MAML2: variants seen among roughly 807,000 people sequenced by gnomAD.
The protein encoded by MAML2 is mastermind like transcriptional coactivator 2, also known as mastermind-like protein 2.
In MAML2, 22 loss-of-function variants were observed where a neutral mutation model predicts 96.1. That is an observed-to-expected ratio of 0.23 (90% confidence interval 0.16 to 0.33). The LOEUF (loss-of-function observed/expected upper bound fraction) is 0.33, where lower values mean the gene tolerates loss of function less well. Among genes scored for constraint, MAML2 ranks in the 10% least tolerant of loss-of-function variants. MAML2 has a pLI of 1.00. For missense variants in MAML2, 1,367 were observed against 1,392.4 expected (o/e 0.98, Z 0.29); for synonymous variants, 561 against 521.3 (o/e 1.08, Z -1.04).
chr11:96,317,956 A>G (rs1183186113), intron 1 of MAML2, among the ~76,000 whole-genome samples: 3 of 152,250 alleles, frequency 2.0e-5, no homozygotes, highest in African/African-American at 7.2e-5. Context: ...CTTTAACACA[A>G]GCTGTGAATC....
chr11:96,114,400 T>G (rs1280623678), intron 1 of MAML2, among the ~76,000 whole-genome samples: 1 of 152,218 alleles, frequency 6.6e-6, no homozygotes, highest in African/African-American at 2.4e-5. Context: ...TCCTTAGCTC[T>G]TGTTCCTTCT....
chr11:96,016,360 C>T (rs1176379089), intron 2 of MAML2, among the ~76,000 whole-genome samples: 5 of 152,102 alleles, frequency 3.3e-5, no homozygotes, highest in Admixed American at 3.3e-4. Flanking sequence ...AGCTGGAGAT[C>T]AAAGAGTCAT....
In MAML2 at chr11:96,266,520, G is replaced by A. The variant is rs1044752162; in HGVS notation, c.513+74863C>T. On this transcript the variant is annotated intron_variant, in intron 1 of 4. Transcript: ENST00000524717. ...CAGGAGGCGGAGCTTGCAGTGAGCC[G>A]AGATGGCACCACTGCACTCCACCCT... 8.6e-5 allele frequency among the ~76,000 whole-genome samples: 13 copies of A among 151,574 alleles called. No individual in the cohort carries two copies. The East Asian group carries it at 1.9e-3, about 22-fold the overall frequency.
intron 1 of MAML2, among the ~76,000 whole-genome samples, chr11:96,312,216 T>A (rs1180277251): frequency 3.6e-5 from 1 of 27,616 alleles, no homozygotes; most frequent in Non-Finnish European, 6.5e-5. Flanking sequence ...CAAGACTCTA[T>A]CTCAAAAAAA....
chr11:96,158,238 G>C (rs973141077), intron 1 of MAML2, among the ~76,000 whole-genome samples: 6 of 152,198 alleles, frequency 3.9e-5, no homozygotes, highest in African/African-American at 7.2e-5. Context: ...AGATGAAAGA[G>C]TCCTAATTCT....
At chr11:96,122,327 A>C (rs1322346840) in intron 1 of MAML2, among the ~76,000 whole-genome samples, 1 of 151,066 alleles carries the variant, frequency 6.6e-6, no homozygotes, top group Non-Finnish European at 1.5e-5. Flanking sequence ...CTCTAGGGTG[A>C]TTCTCCAAAC....
intron 1 of MAML2, among the ~76,000 whole-genome samples, chr11:96,310,414 A>T (rs375623859): frequency 1.3e-5 from 2 of 152,220 alleles, no homozygotes; most frequent in Non-Finnish European, 2.9e-5. Context: ...TTTCACCCCA[A>T]TGTGACCTGA....
intron 1 of MAML2, among the ~76,000 whole-genome samples, chr11:96,314,904 C>A (rs528220086): frequency 6.6e-6 from 1 of 152,152 alleles, no homozygotes; most frequent in Non-Finnish European, 1.5e-5. Flanking sequence ...GCATTCTGAA[C>A]GGGAAGCTGG....
chr11:96,196,041 T>C (rs1041246120), intron 1 of MAML2, among the ~76,000 whole-genome samples: 8 of 152,224 alleles, frequency 5.3e-5, no homozygotes, highest in Non-Finnish European at 1.2e-4. Flanking sequence ...AATGTATCAT[T>C]TCCTTGCATA....
At position 96,224,410 on chromosome 11, in the gene MAML2, A is replaced by G. The variant is rs936290554; in HGVS notation, c.513+116973T>C. Among the ~76,000 whole-genome samples the G allele has an allele frequency of 2.6e-5, 4 of 152,032 alleles. No homozygotes were observed. The East Asian group carries it at 7.7e-4, about 29-fold the overall frequency. On this transcript the variant is annotated intron_variant, in intron 1 of 4. Coordinates refer to ENST00000524717, the MANE Select transcript of MAML2 (RefSeq NM_032427.4). ...CCAACAGTGCCCCAACCCCATGACT[A>G]CTGTCCCTGGAGATCTATACTTTCC...
At chr11:96,277,202 A>G (rs1419702900) in intron 1 of MAML2, among the ~76,000 whole-genome samples, 2 of 152,242 alleles carry the variant, frequency 1.3e-5, no homozygotes, top group Non-Finnish European at 2.9e-5. Context: ...CAGGAACTAT[A>G]GCAAACTTAG....
At chr11:96,010,696 C>A (rs1253305936) in intron 2 of MAML2, among the ~76,000 whole-genome samples, 1 of 152,060 alleles carries the variant, frequency 6.6e-6, no homozygotes, top group Non-Finnish European at 1.5e-5. Context: ...TTGCTTCATG[C>A]AGACACATCA....
At chr11:96,199,581 G>A (rs576374338) in intron 1 of MAML2, among the ~76,000 whole-genome samples, 2 of 146,972 alleles carry the variant, frequency 1.4e-5, no homozygotes, top group South Asian at 2.1e-4. Context: ...TGTCCATTCT[G>A]TAGAATGTGT....
chr11:96,312,363 C>G (rs1863555480), intron 1 of MAML2, among the ~76,000 whole-genome samples: 1 of 151,978 alleles, frequency 6.6e-6, no homozygotes, highest in Non-Finnish European at 1.5e-5. Context: ...TTTAATCACC[C>G]AATGAGAATC....
At chr11:96,103,386 G>A (rs890023755) in intron 1 of MAML2, among the ~76,000 whole-genome samples, 16 of 152,126 alleles carry the variant, frequency 1.1e-4, no homozygotes, top group African/African-American at 2.4e-5. Context: ...CATGAACCAT[G>A]CCCCCTTTAT....
Position 96,045,908 on chromosome 11 carries a change from T to TG in MAML2, c.2139+45983_2139+45984insC, listed in dbSNP as rs537173124. Among the ~76,000 whole-genome samples, 123 of 151,940 alleles carry TG rather than the reference T, an allele frequency of 8.1e-4. 1 individual carries two copies. The South Asian group carries it at 0.022, about 27-fold the overall frequency. ...TCCCAGTCAGCACACTTCTGTTTTT[T>TG]TTTTTTTTTTCCCCCATTCCTGTTA... is the stretch of plus-strand genomic sequence containing the variant. On this transcript the variant is annotated intron_variant, in intron 2 of 4. Transcript: ENST00000524717.
At chr11:95,992,321 G>A (rs149010134) in intron 2 of MAML2, among the ~76,000 whole-genome samples, 47 of 152,218 alleles carry the variant, frequency 3.1e-4, no homozygotes, top group African/African-American at 9.9e-4. Context: ...GTATCTCGGC[G>A]CAAGAATCTC....
At chr11:96,232,859 A>T (rs1001255932) in intron 1 of MAML2, among the ~76,000 whole-genome samples, 5 of 152,200 alleles carry the variant, frequency 3.3e-5, no homozygotes, top group Admixed American at 6.5e-5. Context: ...TAGAACCACA[A>T]ATTGGGCCAA....
chr11:96,236,600 C>T (rs374898380), intron 1 of MAML2, among the ~76,000 whole-genome samples: 19 of 152,192 alleles, frequency 1.2e-4, no homozygotes, highest in African/African-American at 4.1e-4. Flanking sequence ...ACCATGAATG[C>T]GTACTCACTT....
Sources: gnomAD v4.1 joint callset for allele counts (sites outside exome capture counted in the v4.1 genomes callset) on GRCh38, gnomAD v4.1.1 for gene constraint, MANE v1.5 for transcripts, NCBI Gene and HGNC (gene_info 2026-07-23, HGNC 2026-07-21) for gene names.